Variants in RPRD1A observed in about 807,000 individuals in gnomAD.
RPRD1A encodes regulation of nuclear pre-mRNA domain-containing protein 1A.
In RPRD1A, 9 loss-of-function variants were observed where a neutral mutation model predicts 37.8. That is an observed-to-expected ratio of 0.24 (90% CI 0.14 to 0.42). The LOEUF is 0.42. Ranked by LOEUF, RPRD1A falls within the 10% of genes least tolerant of loss-of-function variation. RPRD1A has a pLI of 1.00. For synonymous variants in RPRD1A, 138 were observed against 139.7 expected (o/e 0.99, Z 0.08); for missense variants, 255 against 371.0 (o/e 0.69, Z 2.57).
At chr18:36,010,937 T>C (rs962158364) in intron 6 of RPRD1A, among the ~76,000 whole-genome samples, 7 of 152,218 alleles carry the variant, frequency 4.6e-5, no homozygotes, top group Non-Finnish European at 2.9e-5. Context: ...ACTGAGATAC[T>C]AAGATTTAAC....
chr18:36,056,294 G>GT (rs1037074818), intron 1 of RPRD1A, among the ~76,000 whole-genome samples: 95 of 148,050 alleles, frequency 6.4e-4, no homozygotes, highest in South Asian at 1.1e-3. Flanking sequence ...GGGTTTTTGT[G>GT]TTTTTTTTTT....
At position 35,990,519 on chromosome 18, in the gene RPRD1A, T is replaced by C. The variant is rs1908657417; in HGVS notation, c.*2632A>G. ...TCCTGGTTCCCCTCTATGGTCCTTT[T>C]ACTTACTGTAGTGATGGAAGGAGAG... On this transcript the variant is annotated 3_prime_UTR_variant, in exon 7 of 7. Coordinates refer to ENST00000399022, the MANE Select transcript of RPRD1A (RefSeq NM_018170.5). The C allele has an allele frequency of 6.6e-6, 1 of 152,244 alleles. No individual in the cohort carries two copies. Among genetic ancestry groups the C allele is most frequent in the African/African-American group, 2.4e-5 (1 of 41,468 alleles). 9.4% of individuals were successfully genotyped at this position (152,244 alleles called of 1,614,324 possible). A position where few individuals can be genotyped will look rare whatever the true frequency, so the allele number is the denominator to read the frequency against.
chr18:36,019,498 CAGA>C (rs1385444640), intron 6 of RPRD1A, among the ~76,000 whole-genome samples: 18 of 152,196 alleles, frequency 1.2e-4, no homozygotes, highest in African/African-American at 4.1e-4. Flanking sequence ...TGAGAGGGAG[CAGA>C]AGATCATCTT....
intron 1 of RPRD1A, among the ~76,000 whole-genome samples, chr18:36,056,681 G>C (rs1387106099): frequency 6.6e-6 from 1 of 151,864 alleles, no homozygotes; most frequent in East Asian, 1.9e-4. Flanking sequence ...TTCAACGTAA[G>C]TATGGTAAAC....
chr18:36,008,287 T>C (rs1026381698), intron 6 of RPRD1A, among the ~76,000 whole-genome samples: 4 of 151,708 alleles, frequency 2.6e-5, no homozygotes, highest in East Asian at 1.9e-4. Context: ...ATTTTAAAAA[T>C]TGTAATTAGA....
intron 6 of RPRD1A, among the ~76,000 whole-genome samples, chr18:36,008,231 A>G (rs1909881114): frequency 6.6e-6 from 1 of 152,100 alleles, no homozygotes; most frequent in African/African-American, 2.4e-5. Flanking sequence ...AGATCTTACT[A>G]ATTTTAAACT....
intron 1 of RPRD1A, among the ~76,000 whole-genome samples, chr18:36,063,579 T>G (rs372379613): frequency 6.6e-6 from 1 of 152,390 alleles, no homozygotes; most frequent in South Asian, 2.1e-4. Flanking sequence ...TAATTTTCTT[T>G]AGTTTGTTGT....
At chr18:36,047,340 A>C (rs1391264548) in intron 1 of RPRD1A, among the ~76,000 whole-genome samples, 1 of 152,160 alleles carries the variant, frequency 6.6e-6, no homozygotes. Flanking sequence ...TGCTGAGAGA[A>C]ATTCTGAATA....
intron 1 of RPRD1A, among the ~76,000 whole-genome samples, chr18:36,050,734 A>T (rs1001253989): frequency 1.3e-5 from 2 of 150,684 alleles, no homozygotes; most frequent in African/African-American, 4.9e-5. Flanking sequence ...TTGTAGAGAC[A>T]GGGTTTCACC....
At chr18:36,033,194 T>C (rs1364806598) in intron 2 of RPRD1A, among the ~76,000 whole-genome samples, 1 of 150,184 alleles carries the variant, frequency 6.7e-6, no homozygotes, top group Non-Finnish European at 1.5e-5. Flanking sequence ...TCCAGCTACT[T>C]GCGAGGCTGA....
At chr18:35,997,615 T>C (rs1391332763) in intron 6 of RPRD1A, among the ~76,000 whole-genome samples, 1 of 152,240 alleles carries the variant, frequency 6.6e-6, no homozygotes, top group Admixed American at 6.5e-5. Context: ...TCTATTCTAC[T>C]ACAAATAAGA....
At chr18:36,026,874 C>T (rs1911405146) in intron 6 of RPRD1A, 26 bp downstream of exon 6, 1 of 1,580,744 alleles carries the variant, frequency 6.3e-7, no homozygotes, top group African/African-American at 1.4e-5. Flanking sequence ...AATAAATAAG[C>T]ACTAAAGAAG....
At chr18:36,062,828 C>G (rs146798596) in intron 1 of RPRD1A, 37 of 152,298 alleles carry the variant, frequency 2.4e-4, no homozygotes, top group African/African-American at 8.9e-4. Flanking sequence ...CATGGAGTTT[C>G]TTTCTGGGTA....
intron 6 of RPRD1A, among the ~76,000 whole-genome samples, chr18:36,021,707 C>T (rs1474285566): frequency 4.6e-5 from 7 of 152,220 alleles, no homozygotes; most frequent in Non-Finnish European, 7.4e-5. Context: ...AAACTAAAAT[C>T]GCCACTCCAG....
chr18:36,024,428 T>C (rs1349806292), intron 6 of RPRD1A, among the ~76,000 whole-genome samples: 2 of 151,844 alleles, frequency 1.3e-5, no homozygotes, highest in East Asian at 3.9e-4. Context: ...AGTGCTGAGA[T>C]TACAGGCGTG....
intron 6 of RPRD1A, among the ~76,000 whole-genome samples, chr18:36,019,486 T>C (rs796939153): frequency 3.3e-5 from 5 of 152,166 alleles, no homozygotes; most frequent in African/African-American, 1.2e-4. Flanking sequence ...TGTAGGGAGA[T>C]ATGAGAGGGA....
intron 6 of RPRD1A, among the ~76,000 whole-genome samples, chr18:36,015,264 G>C (rs1281225512): frequency 1.3e-5 from 2 of 149,286 alleles, no homozygotes; most frequent in African/African-American, 2.5e-5. Flanking sequence ...CCAGGCTAGA[G>C]TGCAGTGGCG....
chr18:36,001,987 T>C (rs923194818), intron 6 of RPRD1A, among the ~76,000 whole-genome samples: 1 of 146,890 alleles, frequency 6.8e-6, no homozygotes, highest in Non-Finnish European at 1.5e-5. Context: ...TAATTTATCT[T>C]TGTTACGCTA....
At chr18:36,067,232 C>T in intron 1 of RPRD1A, 22 bp downstream of exon 1, 7 of 1,543,550 alleles carry the variant, frequency 4.5e-6, no homozygotes, top group Non-Finnish European at 6.1e-6. Context: ...TGGGAAGCGG[C>T]CGACATAAGC....
Sources: gnomAD v4.1 joint callset for allele counts (sites outside exome capture counted in the v4.1 genomes callset) on GRCh38, gnomAD v4.1.1 for gene constraint, MANE v1.5 for transcripts, NCBI Gene and HGNC (gene_info 2026-07-23, HGNC 2026-07-21) for gene names.